PLXNA2: variants seen among roughly 807,000 people sequenced by gnomAD.
The protein encoded by PLXNA2 is plexin A2, also known as plexin-A2.
In PLXNA2, 91 loss-of-function variants were observed where a neutral mutation model predicts 193.5. The ratio of observed to expected loss-of-function variants is 0.47; its 90% CI spans 0.40 to 0.56. The LOEUF is 0.56. Among genes scored for constraint, PLXNA2 ranks in the 20% least tolerant of loss-of-function variants. The pLI, the probability that PLXNA2 is intolerant of heterozygous loss-of-function variation, is 0.00. For synonymous variants in PLXNA2, 997 were observed against 1,027.3 expected (o/e 0.97, Z 0.56); for missense variants, 1,995 against 2,503.2 (o/e 0.80, Z 4.33).
chr1:208,036,293 C>T (rs1174840023), intron 26 of PLXNA2, among the ~76,000 whole-genome samples: 1 of 152,222 alleles, frequency 6.6e-6, no homozygotes, highest in African/African-American at 2.4e-5. Flanking sequence ...TTTCTTGTCA[C>T]CTAATGAAAG....
At chr1:208,157,099 A>G (rs1337995029) in intron 3 of PLXNA2, among the ~76,000 whole-genome samples, 1 of 152,232 alleles carries the variant, frequency 6.6e-6, no homozygotes, top group East Asian at 1.9e-4. Context: ...AATAATTTAC[A>G]GAATGTAATG....
intron 3 of PLXNA2, among the ~76,000 whole-genome samples, chr1:208,194,005 G>A (rs1370844553): frequency 6.6e-6 from 1 of 151,770 alleles, no homozygotes; most frequent in Non-Finnish European, 1.5e-5. Flanking sequence ...ATGAGTCCTG[G>A]GGGTGGGAAC....
At chr1:208,237,241 C>T (rs1003156728) in intron 1 of PLXNA2, among the ~76,000 whole-genome samples, 4 of 152,172 alleles carry the variant, frequency 2.6e-5, no homozygotes, top group African/African-American at 9.7e-5. Context: ...CAGAGGCAGC[C>T]CGAGGAGTGG....
intron 9 of PLXNA2, among the ~76,000 whole-genome samples, chr1:208,085,510 G>C (rs1666489996): frequency 6.6e-6 from 1 of 152,224 alleles, no homozygotes; most frequent in Non-Finnish European, 1.5e-5. Context: ...GGTGTTACTG[G>C]CATTGATGCC....
chr1:208,082,321 G>C lies in PLXNA2; in HGVS notation c.2395+91C>G, dbSNP rs1381097697. The C allele has an allele frequency of 3.2e-6, 3 of 946,486 alleles. No individual in the cohort carries two copies. Among genetic ancestry groups the C allele is most frequent in the Non-Finnish European group, 5.0e-6 (3 of 595,458 alleles). 58.6% of individuals were successfully genotyped at this position (946,486 alleles called of 1,614,324 possible). A position where few individuals can be genotyped will look rare whatever the true frequency, so the allele number is the denominator to read the frequency against. Reference sequence around the variant, plus strand: ...CGACAGAGGGAGTGTATTATTCATGGCACAGCGGCTGGCTGGCTCTGATCC... The same window carrying C: ...CGACAGAGGGAGTGTATTATTCATGCCACAGCGGCTGGCTGGCTCTGATCC... On this transcript the variant is annotated intron_variant, in intron 11 of 31. Transcript: ENST00000367033. The surrounding 1 kb of genome is among the most constrained non-coding windows in gnomAD (Gnocchi z 4.2).
chr1:208,091,326 T>A (rs530400361), intron 9 of PLXNA2, among the ~76,000 whole-genome samples: 146 of 152,320 alleles, frequency 9.6e-4, no homozygotes, highest in Non-Finnish European at 1.6e-3. Flanking sequence ...TCTATTTTCT[T>A]ATGTTTAGCC....
chr1:208,052,580 T>C, intron 14 of PLXNA2, 117 bp from the exon 15 acceptor site: 1 of 975,572 alleles, frequency 1.0e-6, no homozygotes, highest in South Asian at 1.6e-5. Context: ...GTACTTGTCC[T>C]GTCCTTTTCA....
Position 208,038,972 on chromosome 1 carries a change from C to T in PLXNA2, c.4513G>A (p.Val1505Ile), listed in dbSNP as rs200203717. ...IEYKTLILNC[V>I]NPDNENSPEI... ...GGACTGTTCTCGTTGTCAGGGTTGA[C>T]GCAGTTCAGGATCTACAAGTAGGGG... Residue 1505 changes from valine to isoleucine, a missense_variant, in exon 25 of 32, where the codon GTC becomes ATC. Around this residue, in one of 3 missense-constraint regions of PLXNA2, gnomAD observed 1,291 missense variants for 1,673.6 expected, o/e 0.77. Coordinates refer to ENST00000367033, the MANE Select transcript of PLXNA2 (RefSeq NM_025179.4). This position sits in a 1 kb window ranked among gnomAD's most constrained non-coding sequence, Gnocchi z 4.1. 94 of 1,613,812 alleles carry T rather than the reference C, an allele frequency of 5.8e-5. No individual in the cohort carries two copies. Among genetic ancestry groups the T allele is most frequent in the East Asian group, 8.9e-5 (4 of 44,862 alleles).
chr1:208,106,059 C>T (rs1337890107), intron 4 of PLXNA2, among the ~76,000 whole-genome samples: 1 of 109,406 alleles, frequency 9.1e-6, no homozygotes, highest in Non-Finnish European at 1.9e-5. Flanking sequence ...TTTCCTGGGC[C>T]CTCCTGGTGA....
chr1:208,211,157 T>A (rs372111002), intron 2 of PLXNA2, among the ~76,000 whole-genome samples: 3 of 152,368 alleles, frequency 2.0e-5, no homozygotes, highest in African/African-American at 7.2e-5. Context: ...ACCTTTCTGA[T>A]AGAATTGTGA....
At chr1:208,185,721 A>AAAAAAAAAAAAAAAAAAAAAAAAAG (rs1669977326) in intron 3 of PLXNA2, among the ~76,000 whole-genome samples, 1 of 124,520 alleles carries the variant, frequency 8.0e-6, no homozygotes, top group African/African-American at 3.0e-5. Context: ...AAAAAAAAGG[A>AAAAAAAAAAAAAAAAAAAAAAAAAG]AAAAAAAAAA....
chr1:208,083,132 G>A (rs1666400958), intron 10 of PLXNA2, among the ~76,000 whole-genome samples: 1 of 152,106 alleles, frequency 6.6e-6, no homozygotes, highest in African/African-American at 2.4e-5. Flanking sequence ...ATTTCCGCAC[G>A]AGCCTTACTT....
At position 208,045,229 on chromosome 1, in the gene PLXNA2, T is replaced by G; in HGVS notation, c.3496-19A>C. 1.9e-6 allele frequency: 3 copies of G among 1,610,688 alleles called. No individual in the cohort carries two copies. The highest frequency in any genetic ancestry group is 2.5e-6 in the Non-Finnish European group (3 of 1,177,202). On this transcript the variant is annotated intron_variant, in intron 18 of 31. Transcript: ENST00000367033. Reference sequence around the variant, plus strand: ...TTTTGCCCTGTAGAGAATAGCAGTCTTTATAGGCATAATTGACACATGCAC... The same window carrying G: ...TTTTGCCCTGTAGAGAATAGCAGTCGTTATAGGCATAATTGACACATGCAC...
Position 208,044,740 on chromosome 1 carries a change from A to G in PLXNA2, c.3642T>C (p.Val1214=). ...GCGAGAACACCATCCCGCCCACGTG[A>G]ACCTGTGCATTGTACACATACAGAC... The part of the protein sequence containing the change: ...PNLTGQHKVM[V]HVGGMVFSPG... The change falls in exon 20 of 32, where the codon GTT becomes GTC. Residue 1214 remains valine (V), a splice_region_variant and synonymous_variant. Coordinates refer to ENST00000367033, the MANE Select transcript of PLXNA2 (RefSeq NM_025179.4). This position sits in a 1 kb window ranked among gnomAD's most constrained non-coding sequence, Gnocchi z 4.9. 6.2e-7 allele frequency: 1 copy of G among 1,612,186 alleles called. No homozygotes were observed. Among genetic ancestry groups the G allele is most frequent in the Non-Finnish European group, 8.5e-7 (1 of 1,178,812 alleles).
intron 3 of PLXNA2, among the ~76,000 whole-genome samples, chr1:208,195,528 C>A (rs1451145644): frequency 6.6e-6 from 1 of 152,148 alleles, no homozygotes; most frequent in Non-Finnish European, 1.5e-5. Flanking sequence ...GGTTTATCTC[C>A]CATTGTTTAT....
At position 208,026,310 on chromosome 1, in the gene PLXNA2, C is replaced by T. The variant is rs757774180; in HGVS notation, c.*933G>A. 8 of 152,218 alleles carry T rather than the reference C, an allele frequency of 5.3e-5. No individual in the cohort carries two copies. Among genetic ancestry groups the T allele is most frequent in the Non-Finnish European group, 8.8e-5 (6 of 68,054 alleles). 9.4% of individuals were successfully genotyped at this position (152,218 alleles called of 1,614,324 possible). A position where few individuals can be genotyped will look rare whatever the true frequency, so the allele number is the denominator to read the frequency against. ...GAGAGGCCCACCTCACCCCACTTCT[C>T]ATAGTAACTTTAGGGAAATTGAAAG... On this transcript the variant is annotated 3_prime_UTR_variant, in exon 32 of 32. Coordinates refer to ENST00000367033, the MANE Select transcript of PLXNA2 (RefSeq NM_025179.4).
At chr1:208,083,160 GGGA>G (rs1176489378) in intron 10 of PLXNA2, among the ~76,000 whole-genome samples, 1 of 152,154 alleles carries the variant, frequency 6.6e-6, no homozygotes, top group African/African-American at 2.4e-5. Context: ...TGGTCCACTA[GGGA>G]GAAGTGCCCA....
chr1:208,027,506 A>G (rs912069327), intron 31 of PLXNA2, among the ~76,000 whole-genome samples, 168 bp from the exon 32 acceptor site: 3 of 152,192 alleles, frequency 2.0e-5, no homozygotes, highest in African/African-American at 2.4e-5. Context: ...ACACACACCT[A>G]TATATATGTA....
At chr1:208,176,558 C>T (rs1669666471) in intron 3 of PLXNA2, among the ~76,000 whole-genome samples, 1 of 152,158 alleles carries the variant, frequency 6.6e-6, no homozygotes, top group Non-Finnish European at 1.5e-5. Flanking sequence ...GAGAAACAGA[C>T]AGTAAGGGGA....
Sources: gnomAD v4.1 joint callset for allele counts (sites outside exome capture counted in the v4.1 genomes callset) on GRCh38, gnomAD v4.1.1 for gene constraint, gnomAD v4.1.1 regional missense constraint, Gnocchi (gnomAD v3.1) non-coding constraint, MANE v1.5 for transcripts, NCBI Gene and HGNC (gene_info 2026-07-23, HGNC 2026-07-21) for gene names.